Variants in SPNS3 observed in about 807,000 individuals in gnomAD.
SPNS3 encodes the protein protein spinster homolog 3.
In SPNS3, 51 loss-of-function variants were observed where a neutral mutation model predicts 54.4. That is an observed-to-expected ratio of 0.94 (90% CI 0.75 to 1.18). The LOEUF (loss-of-function observed/expected upper bound fraction) is 1.18, where lower values mean the gene tolerates loss of function less well. Among genes scored for constraint, SPNS3 ranks in the 50% most tolerant of loss-of-function variants. The pLI, the probability that SPNS3 is intolerant of heterozygous loss-of-function variation, is 0.00. For missense variants in SPNS3, 669 were observed against 677.4 expected, an observed-to-expected ratio of 0.99 and a Z score of 0.14; for synonymous variants, 309 against 294.7, an observed-to-expected ratio of 1.05 and a Z score of -0.50.
intron 8 of SPNS3, among the ~76,000 whole-genome samples, chr17:4,455,282 TCTC>T (rs753419688): frequency 3.9e-5 from 6 of 152,114 alleles, no homozygotes; most frequent in Non-Finnish European, 7.4e-5. Flanking sequence ...CCGGTTTTGT[TCTC>T]CTTGTTCCAT....
intron 8 of SPNS3, among the ~76,000 whole-genome samples, chr17:4,464,965 G>GC (rs1395475895): frequency 6.6e-6 from 1 of 152,208 alleles, no homozygotes; most frequent in Non-Finnish European, 1.5e-5. Flanking sequence ...ACAGGCATGA[G>GC]CCACCACTCC....
chr17:4,485,406 T>A (rs141825046), intron 9 of SPNS3, among the ~76,000 whole-genome samples: 2,319 of 151,940 alleles, frequency 0.015, 44 homozygotes, highest in African/African-American at 0.05. Context: ...TTTTATTTTT[T>A]TTTTTTTTGA....
intron 8 of SPNS3, among the ~76,000 whole-genome samples, chr17:4,457,959 G>A (rs991211052): frequency 2.0e-5 from 3 of 152,120 alleles, no homozygotes; most frequent in South Asian, 4.1e-4. Flanking sequence ...GGTACCCACC[G>A]ATGCTGAGCC....
intron 8 of SPNS3, among the ~76,000 whole-genome samples, chr17:4,465,756 T>G (rs763061027): frequency 2.0e-5 from 3 of 152,162 alleles, no homozygotes; most frequent in Non-Finnish European, 2.9e-5. Context: ...CTCTATCTTT[T>G]GATGAGAGTA....
chr17:4,477,742 C>T (rs371727086), intron 8 of SPNS3, among the ~76,000 whole-genome samples: 1 of 152,076 alleles, frequency 6.6e-6, no homozygotes, highest in Non-Finnish European at 1.5e-5. Context: ...TTTGACTGTC[C>T]GCATGATGGG....
Position 4,448,308 on chromosome 17 carries a change from G to A in SPNS3, c.770+5G>A. On this transcript the variant is annotated splice_donor_5th_base_variant and intron_variant, in intron 6 of 11. Coordinates refer to ENST00000355530, the MANE Select transcript of SPNS3 (RefSeq NM_182538.5). ...CGTCAGATACCTGGGGAAAAAGTGA[G>A]TATCCCTGCTACCCCCTGCAAGGCA... 1 of 1,555,032 alleles carries A rather than the reference G, an allele frequency of 6.4e-7. No individual in the cohort carries two copies. The highest frequency in any genetic ancestry group is 8.7e-7 in the Non-Finnish European group (1 of 1,150,838).
intron 8 of SPNS3, among the ~76,000 whole-genome samples, chr17:4,462,832 T>TTCAACCACGCAC (rs1971570267): frequency 7.8e-6 from 1 of 128,776 alleles, no homozygotes. Context: ...CATCCATCCA[T>TTCAACCACGCAC]CCATTCAACC....
Position 4,464,398 on chromosome 17 carries a change from C to T in SPNS3, c.1113+11193C>T, listed in dbSNP as rs1278084061. On this transcript the variant is annotated intron_variant, in intron 8 of 11. Coordinates refer to ENST00000355530, the MANE Select transcript of SPNS3 (RefSeq NM_182538.5). ...AAGCAGGGCCTCCACTGTCACTGACCTGATGGCTGGAGGATGTGGCTGAAC... is the reference window on the plus strand; with the variant it reads ...AAGCAGGGCCTCCACTGTCACTGACTTGATGGCTGGAGGATGTGGCTGAAC... Among the ~76,000 whole-genome samples the T allele has an allele frequency of 3.3e-5, 5 of 152,332 alleles. No individual in the cohort carries two copies. In the East Asian group the frequency reaches 5.8e-4, roughly 18 times the overall value.
At chr17:4,477,319 G>A (rs550260085) in intron 8 of SPNS3, among the ~76,000 whole-genome samples, 1 of 152,260 alleles carries the variant, frequency 6.6e-6, no homozygotes, top group African/African-American at 2.4e-5. Context: ...GTGCGTGGCA[G>A]GTGTTTGGGT....
intron 1 of SPNS3, among the ~76,000 whole-genome samples, chr17:4,437,600 G>A (rs1289002859): frequency 1.3e-5 from 2 of 152,126 alleles, no homozygotes; most frequent in Admixed American, 1.3e-4. Context: ...CCAGGAGGCA[G>A]AGGTTGCAGT....
At position 4,486,909 on chromosome 17, in the gene SPNS3, C is replaced by T. The variant is rs985677916; in HGVS notation, c.1450+326C>T. Among the ~76,000 whole-genome samples, 6 of 152,086 alleles carry T rather than the reference C, an allele frequency of 3.9e-5. No individual in the cohort carries two copies. Among genetic ancestry groups the T allele is most frequent in the Admixed American group, 2.6e-4 (4 of 15,280 alleles). On this transcript the variant is annotated intron_variant, in intron 11 of 11. Coordinates refer to ENST00000355530, the MANE Select transcript of SPNS3 (RefSeq NM_182538.5). This position sits in a 1 kb window ranked among gnomAD's most constrained non-coding sequence, Gnocchi z 5.5. ...GAGAAAGGGGCCGGGCGCGGTGGCTCACACCTGTAATCCCAGTACTTGGGG... is the reference window on the plus strand; with the variant it reads ...GAGAAAGGGGCCGGGCGCGGTGGCTTACACCTGTAATCCCAGTACTTGGGG...
Position 4,483,860 on chromosome 17 carries a change from A to G in SPNS3, c.1180-2368A>G, listed in dbSNP as rs1273754602. On this transcript the variant is annotated intron_variant, in intron 9 of 11. Coordinates refer to ENST00000355530, the MANE Select transcript of SPNS3 (RefSeq NM_182538.5). The surrounding 1 kb of genome is among the most constrained non-coding windows in gnomAD (Gnocchi z 4.2). ...CCCTGCCCACCACCAAACCCCCTGC[A>G]TCTGTCCCCTGGGATTCTGGAATCC... 6.6e-6 allele frequency among the ~76,000 whole-genome samples: 1 copy of G among 151,994 alleles called. No homozygotes were observed. The highest frequency in any genetic ancestry group is 2.4e-5 in the African/African-American group (1 of 41,368).
intron 3 of SPNS3, 132 bp downstream of exon 3, chr17:4,445,300 C>A: frequency 1.0e-6 from 1 of 975,910 alleles, no homozygotes; most frequent in Non-Finnish European, 1.5e-6. Context: ...AGGGATTGCA[C>A]TGAGGGCTGG....
At chr17:4,449,124 T>C (rs1971084850) in intron 6 of SPNS3, 111 bp from the exon 7 acceptor site, 1 of 1,244,220 alleles carries the variant, frequency 8.0e-7, no homozygotes, top group South Asian at 1.4e-5. Flanking sequence ...ATCTTGAAGG[T>C]AATGAGACAA....
chr17:4,468,293 A>G (rs1314798379), intron 8 of SPNS3, among the ~76,000 whole-genome samples: 2 of 152,306 alleles, frequency 1.3e-5, no homozygotes, highest in South Asian at 2.1e-4. Flanking sequence ...AAACAAACAA[A>G]AAATAAATTA....
chr17:4,484,081 C>T (rs1270441740), intron 9 of SPNS3, among the ~76,000 whole-genome samples: 1 of 152,192 alleles, frequency 6.6e-6, no homozygotes, highest in African/African-American at 2.4e-5. Flanking sequence ...ACACCGGCTC[C>T]TCCTTGCCCA....
rs751742233 is a variant in SPNS3, at chr17:4,483,922, C to T, written c.1180-2306C>T. 1.3e-5 allele frequency among the ~76,000 whole-genome samples: 2 copies of T among 152,214 alleles called. No individual in the cohort carries two copies. Among genetic ancestry groups the T allele is most frequent in the African/African-American group, 4.8e-5 (2 of 41,448 alleles). On this transcript the variant is annotated intron_variant, in intron 9 of 11. Transcript: ENST00000355530. The surrounding 1 kb of genome is among the most constrained non-coding windows in gnomAD (Gnocchi z 4.2). ...CCCTGGGATCCTCCCTCCACACCGT[C>T]GCTTACACTGTCCCCTGCCTGGAAT...
chr17:4,442,480 C>T (rs1970876884), intron 2 of SPNS3, among the ~76,000 whole-genome samples: 1 of 151,766 alleles, frequency 6.6e-6, no homozygotes, highest in Admixed American at 6.6e-5. Context: ...TTGCAGTGAG[C>T]TGAGATCGTG....
chr17:4,474,113 C>T (rs965452013), intron 8 of SPNS3, among the ~76,000 whole-genome samples: 5 of 152,236 alleles, frequency 3.3e-5, no homozygotes, highest in Non-Finnish European at 7.3e-5. Context: ...TGGCTGGCAG[C>T]ACGGCCCACC....
Sources: gnomAD v4.1 joint callset for allele counts (sites outside exome capture counted in the v4.1 genomes callset) on GRCh38, gnomAD v4.1.1 for gene constraint, Gnocchi (gnomAD v3.1) non-coding constraint, MANE v1.5 for transcripts, NCBI Gene and HGNC (gene_info 2026-07-23, HGNC 2026-07-21) for gene names.